FRMD3: variants seen among roughly 807,000 people sequenced by gnomAD.
The protein encoded by FRMD3 is FERM domain-containing protein 3.
Under a neutral mutation model 70.2 loss-of-function variants are expected in FRMD3, and 33 were observed. That is an observed-to-expected ratio of 0.47 (90% CI 0.36 to 0.63). The LOEUF (loss-of-function observed/expected upper bound fraction) is 0.63. Among genes scored for constraint, FRMD3 ranks in the 20% least tolerant of loss-of-function variants. FRMD3 has a pLI of 0.00. For synonymous variants in FRMD3, 279 were observed against 255.9 expected (o/e 1.09, Z -0.86); for missense variants, 632 against 711.4 (o/e 0.89, Z 1.27).
intron 10 of FRMD3, among the ~76,000 whole-genome samples, chr9:83,307,431 T>C (rs188548394): frequency 6.6e-6 from 1 of 152,352 alleles, no homozygotes; most frequent in Non-Finnish European, 1.5e-5. Context: ...AACTGATGAA[T>C]GGATAAACCA....
chr9:83,380,446 G>A (rs1470764528), intron 2 of FRMD3, among the ~76,000 whole-genome samples: 3 of 152,138 alleles, frequency 2.0e-5, no homozygotes, highest in Non-Finnish European at 4.4e-5. Flanking sequence ...TGAAGGATGA[G>A]GATATTGCCA....
intron 1 of FRMD3, among the ~76,000 whole-genome samples, chr9:83,507,504 A>G (rs1029176489): frequency 6.7e-6 from 1 of 149,968 alleles, no homozygotes; most frequent in African/African-American, 2.4e-5. Flanking sequence ...CGTCTCTACT[A>G]AAAAATAAAG....
intron 1 of FRMD3, among the ~76,000 whole-genome samples, chr9:83,479,770 G>A (rs1233758039): frequency 3.9e-5 from 2 of 50,906 alleles, no homozygotes; most frequent in African/African-American, 2.2e-4. Context: ...AGGGAGGGAG[G>A]GAGGGAGGGA....
intron 1 of FRMD3, among the ~76,000 whole-genome samples, chr9:83,416,776 T>C (rs538163809): frequency 7.4e-6 from 1 of 135,726 alleles, no homozygotes; most frequent in Non-Finnish European, 1.5e-5. Flanking sequence ...TCTCTCTCTC[T>C]CTCTCTCTCT....
the FRMD3 span, among the ~76,000 whole-genome samples, chr9:83,546,890 C>CAAAAAAAAAAAAAAA: frequency 3.1e-5 from 2 of 64,144 alleles, no homozygotes; most frequent in East Asian, 4.8e-4. Context: ...GACTCTGTCT[C>CAAAAAAAAAAAAAAA]AAAAAAAAAA....
intron 1 of FRMD3, among the ~76,000 whole-genome samples, chr9:83,488,102 T>C (rs900741154): frequency 6.6e-6 from 1 of 152,160 alleles, no homozygotes; most frequent in Non-Finnish European, 1.5e-5. Flanking sequence ...TCTGGATACA[T>C]CAACATATAT....
At chr9:83,357,213 G>A (rs1247196021) in intron 3 of FRMD3, among the ~76,000 whole-genome samples, 1 of 43,684 alleles carries the variant, frequency 2.3e-5, no homozygotes, top group Non-Finnish European at 4.3e-5. Context: ...AACATACATG[G>A]AATATATATA....
At chr9:83,387,052 T>C (rs1825532176) in intron 2 of FRMD3, among the ~76,000 whole-genome samples, 1 of 152,188 alleles carries the variant, frequency 6.6e-6, no homozygotes, top group Non-Finnish European at 1.5e-5. Flanking sequence ...GTTTCTCCAC[T>C]ATAGAGTTAT....
At chr9:83,397,004 A>G (rs1421489113) in intron 1 of FRMD3, among the ~76,000 whole-genome samples, 1 of 152,076 alleles carries the variant, frequency 6.6e-6, no homozygotes, top group Non-Finnish European at 1.5e-5. Flanking sequence ...GCTGTGTTCT[A>G]TTCAGTCAGC....
At chr9:83,484,992 T>C (rs1828654782) in intron 1 of FRMD3, among the ~76,000 whole-genome samples, 1 of 152,232 alleles carries the variant, frequency 6.6e-6, no homozygotes, top group African/African-American at 2.4e-5. Context: ...TTAGCTTCCA[T>C]GTGTACTGGA....
intron 13 of FRMD3, among the ~76,000 whole-genome samples, chr9:83,252,407 C>T (rs1832471513): frequency 6.6e-6 from 1 of 152,202 alleles, no homozygotes; most frequent in Non-Finnish European, 1.5e-5. Flanking sequence ...TTTCCAGCCA[C>T]TACAAAAACA....
intron 3 of FRMD3, among the ~76,000 whole-genome samples, chr9:83,358,636 G>C (rs1354210288): frequency 6.6e-6 from 1 of 151,812 alleles, no homozygotes; most frequent in African/African-American, 2.4e-5. Context: ...TTCCCTTGTA[G>C]AGGTCTTTCA....
At position 83,335,647 on chromosome 9, in the gene FRMD3, G is replaced by A. The variant is rs780630081; in HGVS notation, c.473-8C>T. On this transcript the variant is annotated splice_polypyrimidine_tract_variant and splice_region_variant and intron_variant, in intron 5 of 13. Transcript: ENST00000304195. ...CGTAATCACCAAGCTCAGCTGTAAT[G>A]AGTGAAAAAATAAAGAGACAGAGAA... 3.7e-6 allele frequency: 6 copies of A among 1,608,396 alleles called. No homozygotes were observed. The South Asian group carries it at 6.7e-5, about 18-fold the overall frequency.
At chr9:83,491,459 G>A (rs986526443) in intron 1 of FRMD3, among the ~76,000 whole-genome samples, 24 of 152,312 alleles carry the variant, frequency 1.6e-4, no homozygotes, top group Non-Finnish European at 2.4e-4. Flanking sequence ...GCCTTGCTGT[G>A]CCCTACCTGA....
chr9:83,308,859 CA>C (rs1367663446), intron 10 of FRMD3, among the ~76,000 whole-genome samples: 3 of 152,144 alleles, frequency 2.0e-5, no homozygotes, highest in Non-Finnish European at 4.4e-5. Context: ...GTTGTGAAAG[CA>C]CATCCAACCC....
Position 83,245,272 on chromosome 9 carries a change from T to G in FRMD3, c.*2646A>C. 1 of 985,388 alleles carries G rather than the reference T, an allele frequency of 1.0e-6. No individual in the cohort carries two copies. The highest frequency in any genetic ancestry group is 1.2e-6 in the Non-Finnish European group (1 of 829,870). The allele number at this position is 985,388 out of a possible 1,614,324, so 61.0% of individuals were successfully genotyped here. ...ACTTGCTTTAAACTCTATATCTCAC[T>G]CTATAATATACTGTCCATCTCTGGA... On this transcript the variant is annotated 3_prime_UTR_variant, in exon 14 of 14. Transcript: ENST00000304195.
At chr9:83,438,285 T>C (rs1030439740) in intron 1 of FRMD3, among the ~76,000 whole-genome samples, 1 of 152,182 alleles carries the variant, frequency 6.6e-6, no homozygotes, top group African/African-American at 2.4e-5. Context: ...AAATAAACAC[T>C]AACTATTTGG....
At chr9:83,261,002 G>T (rs1291020899) in intron 13 of FRMD3, among the ~76,000 whole-genome samples, 1 of 151,728 alleles carries the variant, frequency 6.6e-6, no homozygotes, top group Admixed American at 6.6e-5. Context: ...AAATGTTCCT[G>T]GTGCCTCTGA....
At chr9:83,283,982 A>C (rs566555278) in intron 13 of FRMD3, among the ~76,000 whole-genome samples, 1 of 152,324 alleles carries the variant, frequency 6.6e-6, no homozygotes, top group African/African-American at 2.4e-5. Context: ...GATAACTGCA[A>C]CTGCATTAAA....
Sources: gnomAD v4.1 joint callset for allele counts (sites outside exome capture counted in the v4.1 genomes callset) on GRCh38, gnomAD v4.1.1 for gene constraint, MANE v1.5 for transcripts, NCBI Gene and HGNC (gene_info 2026-07-23, HGNC 2026-07-21) for gene names.